MDM2: variants seen among roughly 807,000 people sequenced by gnomAD.
MDM2 encodes the protein MDM2 proto-oncogene, also known as E3 ubiquitin-protein ligase Mdm2.
In MDM2, 11 loss-of-function variants were observed where a neutral mutation model predicts 64.3. The ratio of observed to expected loss-of-function variants is 0.17; its 90% CI spans 0.11 to 0.28. The LOEUF (loss-of-function observed/expected upper bound fraction) is 0.28. Ranked by LOEUF, MDM2 falls within the 10% of genes least tolerant of loss-of-function variation. The probability of loss-of-function intolerance (pLI) is 1.00; values close to 1 mark genes in which losing one functional copy is unlikely to be tolerated. For synonymous variants in MDM2, 194 were observed against 192.9 expected (o/e 1.01, Z -0.05); for missense variants, 388 against 577.1 (o/e 0.67, Z 3.36).
In MDM2 at chr12:68,842,326, G is replaced by A. The variant is rs977363116; in HGVS notation, c.*2477G>A. 16 of 495,164 alleles carry A rather than the reference G, an allele frequency of 3.2e-5. No homozygotes were observed. Among genetic ancestry groups the A allele is most frequent in the African/African-American group, 1.7e-4 (9 of 51,598 alleles). 30.7% of individuals were successfully genotyped at this position (495,164 alleles called of 1,614,324 possible). A position where few individuals can be genotyped will look rare whatever the true frequency, so the allele number is the denominator to read the frequency against. Reference sequence around the variant, plus strand: ...TGACCCCTGTTGCAGGCAAAGGAACGCAGCTGGAAGAAAAGATGATATAAC... The same window carrying A: ...TGACCCCTGTTGCAGGCAAAGGAACACAGCTGGAAGAAAAGATGATATAAC... On this transcript the variant is annotated 3_prime_UTR_variant, in exon 11 of 11. Coordinates refer to ENST00000258149, the MANE Select transcript of MDM2 (RefSeq NM_002392.6).
At position 68,840,595 on chromosome 12, in the gene MDM2, TC is replaced by T; in HGVS notation, c.*749del. The T allele has an allele frequency of 5.4e-6, 1 of 185,628 alleles. No individual in the cohort carries two copies. Among genetic ancestry groups the T allele is most frequent in the East Asian group, 8.7e-5 (1 of 11,540 alleles). 11.5% of individuals were successfully genotyped at this position (185,628 alleles called of 1,614,324 possible). ...GTGTCATGATCTAGCAGTCTCCGCTTCCCGGGTTCAAGCCATTCTCCTGGCT... is the reference window on the plus strand; with the variant it reads ...GTGTCATGATCTAGCAGTCTCCGCTTCCGGGTTCAAGCCATTCTCCTGGCT... On this transcript the variant is annotated 3_prime_UTR_variant, in exon 11 of 11. Coordinates refer to ENST00000258149, the MANE Select transcript of MDM2 (RefSeq NM_002392.6).
intron 2 of MDM2, among the ~76,000 whole-genome samples, chr12:68,813,037 T>A (rs562716967): frequency 5.1e-4 from 78 of 151,862 alleles, no homozygotes; most frequent in African/African-American, 1.8e-3. Flanking sequence ...GTAGACTAAC[T>A]AAGAGGCAGC....
At chr12:68,813,302 A>C (rs1442102340) in intron 2 of MDM2, among the ~76,000 whole-genome samples, 1 of 152,178 alleles carries the variant, frequency 6.6e-6, no homozygotes, top group African/African-American at 2.4e-5. Flanking sequence ...TCAGTAATTT[A>C]TGGTTGTTTG....
At chr12:68,833,149 A>AAAAATATATATATATAT (rs1555187768) in intron 8 of MDM2, among the ~76,000 whole-genome samples, 2 of 65,960 alleles carry the variant, frequency 3.0e-5, no homozygotes, top group African/African-American at 1.2e-4. Flanking sequence ...AAAAAAAAAA[A>AAAAATATATATATATAT]ATATATATAT....
intron 8 of MDM2, among the ~76,000 whole-genome samples, chr12:68,833,733 A>G (rs1289786002): frequency 1.3e-5 from 2 of 152,108 alleles, no homozygotes; most frequent in Non-Finnish European, 2.9e-5. Flanking sequence ...GTTCAATAAA[A>G]CTTTATTTAT....
chr12:68,812,411 T>A (rs893356769), intron 2 of MDM2, among the ~76,000 whole-genome samples: 2 of 152,222 alleles, frequency 1.3e-5, no homozygotes, highest in African/African-American at 4.8e-5. Flanking sequence ...GGTACCAGTT[T>A]GTGTGGTAGT....
chr12:68,829,286 A>T (rs1882605097), intron 8 of MDM2, among the ~76,000 whole-genome samples: 1 of 152,218 alleles, frequency 6.6e-6, no homozygotes, highest in Admixed American at 6.5e-5. Context: ...TACACTTTTT[A>T]AAAAAGGAAC....
chr12:68,825,420 G>A (rs1476616645), intron 7 of MDM2, among the ~76,000 whole-genome samples: 3 of 152,144 alleles, frequency 2.0e-5, no homozygotes, highest in African/African-American at 4.8e-5. Flanking sequence ...TTGGGAGGCC[G>A]AGGCGGGTGG....
downstream of MDM2, chr12:68,849,632 C>G (rs1884568265): frequency 6.6e-6 from 1 of 152,174 alleles, no homozygotes; most frequent in Non-Finnish European, 1.5e-5. Flanking sequence ...AACTCCTGAC[C>G]TTGTGATCTG....
intron 6 of MDM2, 44 bp from the exon 7 acceptor site, chr12:68,824,511 T>C (rs1011229484): frequency 6.3e-7 from 1 of 1,590,556 alleles, no homozygotes; most frequent in Non-Finnish European, 8.6e-7. Context: ...AGCTTACTGG[T>C]TATGTTAAGT....
At chr12:68,825,702 G>T (rs1156700493) in intron 7 of MDM2, among the ~76,000 whole-genome samples, 4 of 152,218 alleles carry the variant, frequency 2.6e-5, no homozygotes, top group Non-Finnish European at 4.4e-5. Flanking sequence ...GTTGAGAACA[G>T]TTAGTAGACG....
intron 2 of MDM2, among the ~76,000 whole-genome samples, chr12:68,811,801 C>T (rs1254461898): frequency 6.6e-6 from 1 of 152,106 alleles, no homozygotes; most frequent in Non-Finnish European, 1.5e-5. Flanking sequence ...AGGGTTTCAC[C>T]ATGTTGTCCA....
chr12:68,831,609 T>C (rs1317656933), intron 8 of MDM2, among the ~76,000 whole-genome samples: 1 of 152,198 alleles, frequency 6.6e-6, no homozygotes, highest in Non-Finnish European at 1.5e-5. Context: ...CCAGGGCTTT[T>C]ATGCTAGACA....
At position 68,843,886 on chromosome 12, in the gene MDM2, A is replaced by G. The variant is rs985293206; in HGVS notation, c.*4037A>G. ...ATACTTCAGCTTCAATTTGGAGTTG[A>G]TAATATTTCAGCTAGAACCTAGTAG... On this transcript the variant is annotated 3_prime_UTR_variant, in exon 11 of 11. Transcript: ENST00000258149. 8.8e-5 allele frequency: 19 copies of G among 214,946 alleles called. No individual in the cohort carries two copies. The highest frequency in any genetic ancestry group is 1.3e-4 in the Non-Finnish European group (14 of 106,756). 13.3% of individuals were successfully genotyped at this position (214,946 alleles called of 1,614,324 possible).
chr12:68,824,316 G>A lies in MDM2; in HGVS notation c.359-47G>A, dbSNP rs747464152. 5.4e-5 allele frequency: 56 copies of A among 1,030,148 alleles called. 1 individual carries two copies. The highest frequency in any genetic ancestry group is 2.3e-4 in the South Asian group (18 of 77,012). 63.8% of individuals were successfully genotyped at this position (1,030,148 alleles called of 1,614,324 possible). A position where few individuals can be genotyped will look rare whatever the true frequency, so the allele number is the denominator to read the frequency against. On this transcript the variant is annotated intron_variant, in intron 5 of 10. Transcript: ENST00000258149. ...CATATCTACTGAGTAGCGCCCCGCC[G>A]CCCCCCGCCCACCACCAAGTTTCTG...
At chr12:68,813,682 T>A (rs2136114381) in intron 3 of MDM2, 54 bp downstream of exon 3, 1 of 1,341,888 alleles carries the variant, frequency 7.5e-7, no homozygotes, top group Non-Finnish European at 1.1e-6. Context: ...TAGCCATACT[T>A]AAAGTTTTCA....
At chr12:68,821,589 G>T (rs1017217697) in intron 5 of MDM2, among the ~76,000 whole-genome samples, 4 of 152,108 alleles carry the variant, frequency 2.6e-5, no homozygotes, top group Non-Finnish European at 4.4e-5. Flanking sequence ...TTGGTATAGT[G>T]GTGCATGCCT....
Position 68,845,049 on chromosome 12 carries a change from T to G in MDM2, c.*5200T>G, listed in dbSNP as rs1884163564. 9.6e-6 allele frequency: 2 copies of G among 207,880 alleles called. No homozygotes were observed. The highest frequency in any genetic ancestry group is 2.0e-5 in the Non-Finnish European group (2 of 102,094). 12.9% of individuals were successfully genotyped at this position (207,880 alleles called of 1,614,324 possible). ...CCCCAAAGTGCTGTGATTACAGGCG[T>G]GAGCCGCCACGCCCAGCCTAATAAG... On this transcript the variant is annotated 3_prime_UTR_variant, in exon 11 of 11. Transcript: ENST00000258149.
chr12:68,829,448 T>C (rs1041914849), intron 8 of MDM2, among the ~76,000 whole-genome samples: 1 of 152,160 alleles, frequency 6.6e-6, no homozygotes, highest in African/African-American at 2.4e-5. Flanking sequence ...ATCAGGTAAG[T>C]TCTATTTACT....
Sources: allele counts gnomAD v4.1 joint callset (sites outside exome capture counted in the v4.1 genomes callset), GRCh38; gene constraint gnomAD v4.1.1; transcripts MANE v1.5; gene names NCBI Gene and HGNC (gene_info 2026-07-23, HGNC 2026-07-21).